Variants in IREB2 observed in about 807,000 individuals in gnomAD.
The protein encoded by IREB2 is iron-responsive element-binding protein 2.
IREB2 carries 39 observed loss-of-function variants against 118.8 expected under a neutral mutation model. That is an observed-to-expected ratio of 0.33 (90% CI 0.25 to 0.43). The LOEUF is 0.43. Ranked by LOEUF, IREB2 falls within the 20% of genes least tolerant of loss-of-function variation. The pLI is 1.00. For synonymous variants in IREB2, 372 were observed against 392.2 expected (o/e 0.95, Z 0.61); for missense variants, 900 against 1,147.3 (o/e 0.78, Z 3.11).
Position 78,484,907 on chromosome 15 carries a change from C to A in IREB2, c.1560C>A (p.Val520=). The A allele has an allele frequency of 6.2e-7, 1 of 1,613,218 alleles. No individual in the cohort carries two copies. Among genetic ancestry groups the A allele is most frequent in the Non-Finnish European group, 8.5e-7 (1 of 1,179,568 alleles). ...ISCTNNCNPS[V]MLAAGLLAKK... ...GTACCAATAATTGCAATCCATCTGT[C>A]ATGCTTGCTGCAGGTGGGTTGTGGT... Residue 520 remains valine, a synonymous_variant, in exon 12 of 22, where the codon GTC becomes GTA. Coordinates refer to ENST00000258886, the MANE Select transcript of IREB2 (RefSeq NM_004136.4).
At chr15:78,443,029 A>T (rs932561679) in intron 2 of IREB2, among the ~76,000 whole-genome samples, 1 of 152,206 alleles carries the variant, frequency 6.6e-6, no homozygotes, top group South Asian at 2.1e-4. Context: ...CTCATGGGGG[A>T]TATGTTCCAA....
chr15:78,465,881 G>A (rs1432239940), intron 4 of IREB2, among the ~76,000 whole-genome samples: 1 of 152,162 alleles, frequency 6.6e-6, no homozygotes, highest in Non-Finnish European at 1.5e-5. Flanking sequence ...GTTCCCTGGA[G>A]TAGTAGAATA....
intron 20 of IREB2, among the ~76,000 whole-genome samples, chr15:78,495,471 A>G (rs1354000308): frequency 2.6e-5 from 4 of 152,138 alleles, no homozygotes; most frequent in Admixed American, 6.5e-5. Flanking sequence ...GGGCCTTACT[A>G]TAGGTGACTG....
At chr15:78,444,074 T>C (rs565499858) in intron 2 of IREB2, among the ~76,000 whole-genome samples, 4 of 152,130 alleles carry the variant, frequency 2.6e-5, no homozygotes, top group Middle Eastern at 3.4e-3. Flanking sequence ...AAAAAAAAAT[T>C]ATAAAGATGG....
chr15:78,479,493 T>C (rs2051529707), intron 10 of IREB2, among the ~76,000 whole-genome samples: 1 of 151,678 alleles, frequency 6.6e-6, no homozygotes, highest in Non-Finnish European at 1.5e-5. Flanking sequence ...TGCCTTGGCC[T>C]CTCAAATTGC....
chr15:78,490,033 T>C (rs1277661050), intron 16 of IREB2, among the ~76,000 whole-genome samples: 1 of 152,208 alleles, frequency 6.6e-6, no homozygotes, highest in Non-Finnish European at 1.5e-5. Flanking sequence ...AACTTGCCCC[T>C]TGGAGTGTTC....
intron 4 of IREB2, among the ~76,000 whole-genome samples, chr15:78,465,697 C>A (rs371591951): frequency 2.0e-5 from 3 of 151,766 alleles, no homozygotes; most frequent in Non-Finnish European, 4.4e-5. Context: ...CAGAAAGAAT[C>A]GAAAGATGTG....
At chr15:78,476,053 C>G (rs2051464060) in intron 8 of IREB2, 135 bp from the exon 9 acceptor site, 3 of 541,666 alleles carry the variant, frequency 5.5e-6, no homozygotes, top group Non-Finnish European at 9.4e-6. Context: ...TGAGTTGATT[C>G]ATAAGGACAA....
At chr15:78,458,828 G>C (rs541097883) in intron 2 of IREB2, among the ~76,000 whole-genome samples, 1 of 152,248 alleles carries the variant, frequency 6.6e-6, no homozygotes, top group East Asian at 1.9e-4. Context: ...GTTGTTTTTT[G>C]AGACAGGGTC....
At chr15:78,440,625 A>G (rs1337791763) in intron 2 of IREB2, among the ~76,000 whole-genome samples, 3 of 152,300 alleles carry the variant, frequency 2.0e-5, no homozygotes, top group Non-Finnish European at 2.9e-5. Flanking sequence ...CCTCAGCCTC[A>G]CAAAGTATTG....
At chr15:78,477,227 C>G (rs993391795) in intron 9 of IREB2, among the ~76,000 whole-genome samples, 2 of 152,160 alleles carry the variant, frequency 1.3e-5, no homozygotes, top group Non-Finnish European at 2.9e-5. Flanking sequence ...TTTTAGTGAT[C>G]CTGTGTAACA....
At position 78,471,792 on chromosome 15, in the gene IREB2, A is replaced by G. The variant is rs1355961115; in HGVS notation, c.751A>G (p.Met251Val). 6.2e-7 allele frequency: 1 copy of G among 1,613,498 alleles called. No individual in the cohort carries two copies. Among genetic ancestry groups the G allele is most frequent in the Non-Finnish European group, 8.5e-7 (1 of 1,179,708 alleles). Residue 251 changes from methionine (M) to valine (V), a missense_variant, in exon 7 of 22, where the codon ATG becomes GTG. By Grantham distance (21) the Met-to-Val change is conservative. Transcript: ENST00000258886. ...GGCAGTGATCCCTCCTGGAACTGGA[A>G]TGGCTCATCAAATAAACTTAGAATA... ...NVAVIPPGTG[M>V]AHQINLEYLS... is the part of the protein sequence containing the mutation.
chr15:78,467,495 C>A (rs1006727917), intron 5 of IREB2, among the ~76,000 whole-genome samples: 1 of 152,106 alleles, frequency 6.6e-6, no homozygotes, highest in African/African-American at 2.4e-5. Flanking sequence ...AGTTCGAGGC[C>A]AGCCTGGCAA....
At chr15:78,466,184 T>A (rs1294719867) in intron 4 of IREB2, 87 bp from the exon 5 acceptor site, 1 of 758,734 alleles carries the variant, frequency 1.3e-6, no homozygotes, top group Non-Finnish European at 2.2e-6. Flanking sequence ...TACTTCCAGA[T>A]AGCGTTGCTA....
chr15:78,463,313 T>C (rs1268369183), intron 3 of IREB2, among the ~76,000 whole-genome samples: 7 of 152,086 alleles, frequency 4.6e-5, no homozygotes, highest in Non-Finnish European at 4.4e-5. Context: ...TAATGGTGCA[T>C]GCCTGTAGTC....
rs574837401 is a variant in IREB2, at chr15:78,447,183, T to C, written c.106+7302T>C. 1.6e-3 allele frequency among the ~76,000 whole-genome samples: 241 copies of C among 150,918 alleles called. 1 individual carries two copies. The highest frequency in any genetic ancestry group is 3.5e-3 in the African/African-American group (146 of 41,302). Reference sequence around the variant, plus strand: ...TTCTTTTTCTTTTCTTTCTTTCTTTTTTTTTTTTTTTGAGACAGGATCTCT... The same window carrying C: ...TTCTTTTTCTTTTCTTTCTTTCTTTCTTTTTTTTTTTGAGACAGGATCTCT... On this transcript the variant is annotated intron_variant, in intron 2 of 21. Coordinates refer to ENST00000258886, the MANE Select transcript of IREB2 (RefSeq NM_004136.4).
At chr15:78,439,094 C>T (rs941785797) in intron 1 of IREB2, among the ~76,000 whole-genome samples, 2 of 152,102 alleles carry the variant, frequency 1.3e-5, no homozygotes, top group East Asian at 3.8e-4. Flanking sequence ...CCGCCACTGC[C>T]CCCTAGAATG....
rs532286639 is a variant in IREB2 at position 78,470,901 on chromosome 15, G to A, written c.699+300G>A. The A allele has an allele frequency of 2.6e-4, 45 of 174,782 alleles. No homozygotes were observed. The East Asian group carries it at 5.8e-3, about 22-fold the overall frequency. 10.8% of individuals were successfully genotyped at this position (174,782 alleles called of 1,614,324 possible). On this transcript the variant is annotated intron_variant, in intron 6 of 21. Transcript: ENST00000258886. Reference sequence around the variant, plus strand: ...GTAGAGATAGGTTTTCACCATGTTGGCCAGGCTGGTCTTGAACCCCTGGCC... The same window carrying A: ...GTAGAGATAGGTTTTCACCATGTTGACCAGGCTGGTCTTGAACCCCTGGCC...
intron 13 of IREB2, among the ~76,000 whole-genome samples, chr15:78,486,332 C>T (rs1596011074): frequency 6.6e-6 from 1 of 152,240 alleles, no homozygotes; most frequent in African/African-American, 2.4e-5. Context: ...TTGGGCTGGG[C>T]GCGGTGGCTC....
Sources: gnomAD v4.1 joint callset for allele counts (sites outside exome capture counted in the v4.1 genomes callset) on GRCh38, gnomAD v4.1.1 for gene constraint, MANE v1.5 for transcripts, NCBI Gene and HGNC (gene_info 2026-07-23, HGNC 2026-07-21) for gene names.